Variants in ANKRD33B observed in about 807,000 individuals in gnomAD.
The protein encoded by ANKRD33B is ankyrin repeat domain-containing protein 33B.
A neutral mutation model predicts 21.5 loss-of-function variants in ANKRD33B; 6 were observed. That is an observed-to-expected ratio of 0.28 (90% CI 0.15 to 0.55). ANKRD33B has a LOEUF of 0.55. Ranked by LOEUF, ANKRD33B falls within the 20% of genes least tolerant of loss-of-function variation. The pLI is 0.94. For missense variants in ANKRD33B, 698 were observed against 747.2 expected (o/e 0.93, Z 0.77); for synonymous variants, 347 against 342.4 (o/e 1.01, Z -0.15).
At chr5:10,578,505 C>T (rs993277552) in intron 1 of ANKRD33B, among the ~76,000 whole-genome samples, 1 of 152,154 alleles carries the variant, frequency 6.6e-6, no homozygotes, top group Non-Finnish European at 1.5e-5. Context: ...AGGGCAGGAC[C>T]CGCATGGGGA....
Position 10,656,556 on chromosome 5 carries a change from G to A in ANKRD33B, c.*6443G>A, listed in dbSNP as rs1357387213. ...CAGATGGAACCTGCTTTGATGGCGT[G>A]TTGTTCAGTGTACTCAGTGGGGTCT... On this transcript the variant is annotated 3_prime_UTR_variant, in exon 4 of 4. Coordinates refer to ENST00000296657, the MANE Select transcript of ANKRD33B (RefSeq NM_001164440.2). The A allele has an allele frequency of 2.0e-5, 3 of 152,384 alleles. No homozygotes were observed. The highest frequency in any genetic ancestry group is 7.2e-5 in the African/African-American group (3 of 41,472). 9.4% of individuals were successfully genotyped at this position (152,384 alleles called of 1,614,324 possible).
At chr5:10,575,298 T>C (rs186501801) in intron 1 of ANKRD33B, among the ~76,000 whole-genome samples, 16 of 151,860 alleles carry the variant, frequency 1.1e-4, no homozygotes, top group African/African-American at 3.9e-4. Context: ...TGGTGCACGC[T>C]TGGAATCCCA....
rs1018383685 is a variant in ANKRD33B at position 10,652,531 on chromosome 5, C to T, written c.*2418C>T. ...GCCTGTTTCCACCATGGGAAGCTGT[C>T]ACTGGGAATGGTATGGAGCCCTCAC... is the stretch of plus-strand genomic sequence containing the variant. On this transcript the variant is annotated 3_prime_UTR_variant, in exon 4 of 4. Coordinates refer to ENST00000296657, the MANE Select transcript of ANKRD33B (RefSeq NM_001164440.2). This position sits in a 1 kb window ranked among gnomAD's most constrained non-coding sequence, Gnocchi z 4.1. The T allele has an allele frequency of 2.0e-5, 3 of 152,786 alleles. No individual in the cohort carries two copies. The highest frequency in any genetic ancestry group is 7.2e-5 in the African/African-American group (3 of 41,462). The allele number at this position is 152,786 out of a possible 1,614,324, so 9.5% of individuals were successfully genotyped here.
intron 2 of ANKRD33B, among the ~76,000 whole-genome samples, chr5:10,635,776 A>G (rs893981549): frequency 1.3e-5 from 2 of 152,214 alleles, no homozygotes; most frequent in Non-Finnish European, 2.9e-5. Context: ...ACTGGGTTCC[A>G]ACCCCGGCAG....
chr5:10,591,914 G>GTAAT (rs1435706763), intron 1 of ANKRD33B, among the ~76,000 whole-genome samples: 4 of 151,788 alleles, frequency 2.6e-5, no homozygotes, highest in Admixed American at 2.0e-4. Context: ...TATTTATATA[G>GTAAT]TAACTTACAT....
At chr5:10,601,558 C>T (rs1338019424) in intron 1 of ANKRD33B, among the ~76,000 whole-genome samples, 2 of 152,254 alleles carry the variant, frequency 1.3e-5, no homozygotes, top group East Asian at 3.8e-4. Context: ...TACTTCTCTG[C>T]CTCCTTCCCC....
intron 1 of ANKRD33B, among the ~76,000 whole-genome samples, chr5:10,587,194 T>C (rs898917728): frequency 6.6e-6 from 1 of 152,068 alleles, no homozygotes; most frequent in African/African-American, 2.4e-5. Context: ...TTTGTATTTT[T>C]AGTAGAGATG....
intron 2 of ANKRD33B, among the ~76,000 whole-genome samples, chr5:10,626,948 G>A (rs2126589942): frequency 6.6e-6 from 1 of 152,306 alleles, no homozygotes; most frequent in Non-Finnish European, 1.5e-5. Flanking sequence ...ATTTGCTATG[G>A]CAACTGGGTT....
chr5:10,645,186 A>G (rs570322572), intron 3 of ANKRD33B, among the ~76,000 whole-genome samples: 32 of 152,314 alleles, frequency 2.1e-4, no homozygotes, highest in African/African-American at 7.5e-4. Flanking sequence ...ACAATGCCCA[A>G]GATACAGGCT....
chr5:10,616,710 C>T (rs986634226), intron 1 of ANKRD33B, among the ~76,000 whole-genome samples: 1 of 152,078 alleles, frequency 6.6e-6, no homozygotes, highest in Non-Finnish European at 1.5e-5. Flanking sequence ...AGCTCCTGCC[C>T]TGGGTTGAAT....
chr5:10,643,155 G>A (rs1367775561), intron 3 of ANKRD33B, among the ~76,000 whole-genome samples: 6 of 151,996 alleles, frequency 3.9e-5, no homozygotes, highest in African/African-American at 7.2e-5. Context: ...TGCATGCCTC[G>A]TCCTCCCAAA....
chr5:10,648,947 A>G (rs993461953), intron 3 of ANKRD33B, among the ~76,000 whole-genome samples: 14 of 151,702 alleles, frequency 9.2e-5, no homozygotes, highest in African/African-American at 2.7e-4. Context: ...CCTGGGCCAC[A>G]TAGCCAGGCC....
chr5:10,610,062 T>C (rs1444388321), intron 1 of ANKRD33B, among the ~76,000 whole-genome samples: 1 of 152,238 alleles, frequency 6.6e-6, no homozygotes, highest in African/African-American at 2.4e-5. Flanking sequence ...CCAGTCTTAC[T>C]GGCAATCAGG....
intron 1 of ANKRD33B, among the ~76,000 whole-genome samples, chr5:10,587,634 C>T (rs1396958484): frequency 6.6e-6 from 1 of 151,020 alleles, no homozygotes; most frequent in Admixed American, 6.6e-5. Flanking sequence ...TTCCCAGTAC[C>T]TGGAGCTAAT....
chr5:10,577,079 C>CCCCTTT (rs1161614156), intron 1 of ANKRD33B, among the ~76,000 whole-genome samples: 11 of 151,682 alleles, frequency 7.3e-5, no homozygotes, highest in Non-Finnish European at 1.0e-4. Flanking sequence ...CCTTCCCTTT[C>CCCCTTT]CCCTTTCCCT....
At chr5:10,567,347 C>T (rs767729509) in intron 1 of ANKRD33B, among the ~76,000 whole-genome samples, 11 of 152,236 alleles carry the variant, frequency 7.2e-5, no homozygotes, top group Admixed American at 3.9e-4. Flanking sequence ...AAGTGTTTAC[C>T]GCAGACCTAC....
intron 2 of ANKRD33B, among the ~76,000 whole-genome samples, chr5:10,636,133 C>T (rs1736855944): frequency 1.3e-5 from 2 of 151,890 alleles, no homozygotes; most frequent in Admixed American, 6.6e-5. Context: ...GATTCTGGGC[C>T]CAGGGCCCGG....
chr5:10,576,098 C>T lies in ANKRD33B; in HGVS notation c.366+11265C>T, dbSNP rs949876697. On this transcript the variant is annotated intron_variant, in intron 1 of 3. Transcript: ENST00000296657. This position sits in a 1 kb window ranked among gnomAD's most constrained non-coding sequence, Gnocchi z 4.1. Reference sequence around the variant, plus strand: ...GTACAGTAATTGTGGAAGATGCTACCTTTGGGGAGGACAGGTGAAGGGTAC... The same window carrying T: ...GTACAGTAATTGTGGAAGATGCTACTTTTGGGGAGGACAGGTGAAGGGTAC... 1.3e-5 allele frequency among the ~76,000 whole-genome samples: 2 copies of T among 152,070 alleles called. No homozygotes were observed. Among genetic ancestry groups the T allele is most frequent in the African/African-American group, 4.8e-5 (2 of 41,394 alleles).
chr5:10,611,773 A>T (rs993487892), intron 1 of ANKRD33B, among the ~76,000 whole-genome samples: 13 of 152,222 alleles, frequency 8.5e-5, no homozygotes, highest in Non-Finnish European at 1.5e-5. Context: ...AATAGATGGC[A>T]TATCGTAGAA....
Sources: gnomAD v4.1 joint callset for allele counts (sites outside exome capture counted in the v4.1 genomes callset) on GRCh38, gnomAD v4.1.1 for gene constraint, Gnocchi (gnomAD v3.1) non-coding constraint, MANE v1.5 for transcripts, NCBI Gene and HGNC (gene_info 2026-07-23, HGNC 2026-07-21) for gene names.